Variants in FAM227A observed in about 807,000 individuals in gnomAD.
FAM227A encodes family with sequence similarity 227 member A, also known as protein FAM227A.
A neutral mutation model predicts 74.7 loss-of-function variants in FAM227A; 80 were observed. The observed-to-expected ratio is 1.07, with a 90% CI of 0.89 to 1.29. The LOEUF (loss-of-function observed/expected upper bound fraction) is 1.29, where lower values mean the gene tolerates loss of function less well. Among genes scored for constraint, FAM227A ranks in the 50% most tolerant of loss-of-function variants. The pLI is 0.00. For synonymous variants in FAM227A, 237 were observed against 241.8 expected (o/e 0.98, Z 0.19); for missense variants, 654 against 683.4 (o/e 0.96, Z 0.48).
intron 3 of FAM227A, among the ~76,000 whole-genome samples, chr22:38,643,330 AGTGG>A (rs771180942): frequency 1.3e-5 from 1 of 75,854 alleles, no homozygotes; most frequent in Non-Finnish European, 3.0e-5. Flanking sequence ...AAAAAAAAAT[AGTGG>A]GTGGGGGTTG....
chr22:38,600,953 A>C (rs376877805), intron 13 of FAM227A, among the ~76,000 whole-genome samples: 11 of 151,030 alleles, frequency 7.3e-5, no homozygotes, highest in South Asian at 2.1e-4. Context: ...TCCGTCTCAA[A>C]AAAAAAAAAA....
At chr22:38,596,931 G>A (rs868268899) in intron 15 of FAM227A, among the ~76,000 whole-genome samples, 1 of 152,136 alleles carries the variant, frequency 6.6e-6, no homozygotes, top group Middle Eastern at 3.4e-3. Flanking sequence ...TGTTGGCAAT[G>A]TGTATCTCTT....
intron 11 of FAM227A, among the ~76,000 whole-genome samples, chr22:38,615,260 T>C (rs1292780092): frequency 6.6e-6 from 1 of 152,172 alleles, no homozygotes; most frequent in Non-Finnish European, 1.5e-5. Context: ...TGACCTCAAG[T>C]GATTCGCCTG....
chr22:38,624,511 A>C (rs950394516), intron 9 of FAM227A, among the ~76,000 whole-genome samples: 3 of 152,202 alleles, frequency 2.0e-5, no homozygotes, highest in Non-Finnish European at 4.4e-5. Flanking sequence ...CTGGCTAGTA[A>C]ACAGTTTCTT....
chr22:38,648,949 G>C (rs2092283869), intron 2 of FAM227A, among the ~76,000 whole-genome samples: 1 of 150,326 alleles, frequency 6.7e-6, no homozygotes, highest in African/African-American at 2.4e-5. Flanking sequence ...TCCAGCCTGA[G>C]CAACAGAGTG....
At chr22:38,619,492 T>G (rs548826347) in intron 11 of FAM227A, among the ~76,000 whole-genome samples, 7 of 152,158 alleles carry the variant, frequency 4.6e-5, no homozygotes, top group African/African-American at 1.4e-4. Context: ...CCTGGCTAAT[T>G]TTTGTATTTT....
intron 15 of FAM227A, among the ~76,000 whole-genome samples, chr22:38,593,635 C>T (rs1234482950): frequency 6.6e-6 from 1 of 152,148 alleles, no homozygotes; most frequent in East Asian, 1.9e-4. Context: ...CCCTCTCCTC[C>T]CTCACTTACA....
intron 13 of FAM227A, among the ~76,000 whole-genome samples, chr22:38,603,523 T>TA (rs1480166543): frequency 6.6e-6 from 1 of 151,694 alleles, no homozygotes; most frequent in Non-Finnish European, 1.5e-5. Context: ...ATTCCTGTGG[T>TA]ATGGGCACCC....
rs898629236 is a variant in FAM227A, at chr22:38,654,417, T to C, written c.-95+1703A>G. ...AATGTACCATCCAAGCAGCGGGAAG[T>C]GAGGCTGGAAAGGTAGGAAGTGCCC... On this transcript the variant is annotated intron_variant, in intron 1 of 16. Coordinates refer to ENST00000535113, the MANE Select transcript of FAM227A (RefSeq NM_001013647.2). Among the ~76,000 whole-genome samples, 3 of 150,912 alleles carry C rather than the reference T, an allele frequency of 2.0e-5. No homozygotes were observed. The Admixed American group carries it at 2.0e-4, about 10-fold the overall frequency.
intron 13 of FAM227A, among the ~76,000 whole-genome samples, chr22:38,605,008 T>G (rs1252751691): frequency 6.6e-6 from 1 of 152,156 alleles, no homozygotes; most frequent in African/African-American, 2.4e-5. Flanking sequence ...CTTATTTGCT[T>G]TATGATATTT....
chr22:38,637,518 G>A (rs766809085), intron 5 of FAM227A, among the ~76,000 whole-genome samples: 3 of 152,126 alleles, frequency 2.0e-5, no homozygotes, highest in Non-Finnish European at 2.9e-5. Context: ...ACTAATTACC[G>A]CCACCCAAAG....
At chr22:38,612,754 A>C (rs2091442721) in intron 11 of FAM227A, among the ~76,000 whole-genome samples, 1 of 151,940 alleles carries the variant, frequency 6.6e-6, no homozygotes, top group Non-Finnish European at 1.5e-5. Flanking sequence ...TTTTTCAAGG[A>C]GTAGAGTAGA....
intron 2 of FAM227A, among the ~76,000 whole-genome samples, chr22:38,646,685 C>T (rs564125874): frequency 6.6e-6 from 1 of 151,396 alleles, no homozygotes; most frequent in Non-Finnish European, 1.5e-5. Context: ...GAGTCTCACT[C>T]GCCCGGCCAC....
At chr22:38,617,496 C>G (rs186285726) in intron 11 of FAM227A, among the ~76,000 whole-genome samples, 2 of 151,996 alleles carry the variant, frequency 1.3e-5, no homozygotes, top group Non-Finnish European at 2.9e-5. Context: ...GGGGTTTCAC[C>G]GTGTTAGCTA....
chr22:38,585,958 T>C lies in FAM227A; in HGVS notation c.*167A>G. 1 of 1,468,704 alleles carries C rather than the reference T, an allele frequency of 6.8e-7. No individual in the cohort carries two copies. Among genetic ancestry groups the C allele is most frequent in the East Asian group, 2.5e-5 (1 of 40,272 alleles). The allele number at this position is 1,468,704 out of a possible 1,614,324, so 91.0% of individuals were successfully genotyped here. On this transcript the variant is annotated 3_prime_UTR_variant, in exon 17 of 17. Transcript: ENST00000535113. ...AGCACCAACTCTCTACTCCTGCTTT[T>C]CACTCAGCCTAGGAAAAACTACAAC...
rs1206345866 is a variant in FAM227A at position 38,586,280 on chromosome 22, G to A, written c.1639-81C>T. ...TCAAAGACTTTGCACGTGAGCAGTG[G>A]CGTGGCCAGTGGTGATCCTTGTGTG... On this transcript the variant is annotated intron_variant, in intron 16 of 16. Coordinates refer to ENST00000535113, the MANE Select transcript of FAM227A (RefSeq NM_001013647.2). 18 of 1,454,266 alleles carry A rather than the reference G, an allele frequency of 1.2e-5. No individual in the cohort carries two copies. In the South Asian group the frequency reaches 2.3e-4, roughly 19 times the overall value. 90.1% of individuals were successfully genotyped at this position (1,454,266 alleles called of 1,614,324 possible).
intron 15 of FAM227A, among the ~76,000 whole-genome samples, chr22:38,593,295 G>A (rs1413779323): frequency 1.3e-5 from 2 of 152,196 alleles, no homozygotes; most frequent in Non-Finnish European, 2.9e-5. Flanking sequence ...ACAAGGTCAG[G>A]AGATCAAGAC....
chr22:38,590,086 C>CACAAAACAAAACAAAACAAA lies in FAM227A; in HGVS notation c.1638+1329_1638+1348dup, dbSNP rs59529052. Among the ~76,000 whole-genome samples the CACAAAACAAAACAAAACAAA allele has an allele frequency of 4.0e-3, 590 of 146,598 alleles. 10 individuals are homozygous for CACAAAACAAAACAAAACAAA. Among genetic ancestry groups the CACAAAACAAAACAAAACAAA allele is most frequent in the African/African-American group, 0.015 (576 of 39,072 alleles). ...ACATGGTGAAACCTCATCTCTGCTA[C>CACAAAACAAAACAAAACAAA]ACAAAACAAAACAAAACAAAACAAA... On this transcript the variant is annotated intron_variant, in intron 16 of 16. Coordinates refer to ENST00000535113, the MANE Select transcript of FAM227A (RefSeq NM_001013647.2).
intron 8 of FAM227A, 96 bp downstream of exon 8, chr22:38,628,142 C>T (rs556273627): frequency 2.7e-6 from 2 of 747,284 alleles, no homozygotes; most frequent in African/African-American, 1.8e-5. Flanking sequence ...TTACTAATTA[C>T]TCCCTTATGT....
Sources: gnomAD v4.1 joint callset for allele counts (sites outside exome capture counted in the v4.1 genomes callset) on GRCh38, gnomAD v4.1.1 for gene constraint, MANE v1.5 for transcripts, NCBI Gene and HGNC (gene_info 2026-07-23, HGNC 2026-07-21) for gene names.